Variants in COL28A1 observed in about 807,000 individuals in gnomAD.
The protein encoded by COL28A1 is collagen type XXVIII alpha 1 chain, also known as collagen alpha-1(XXVIII) chain.
COL28A1 carries 161 observed loss-of-function variants against 150.2 expected under a neutral mutation model. The ratio of observed to expected loss-of-function variants is 1.07; its 90% CI spans 0.94 to 1.22. COL28A1 has a LOEUF of 1.22. Among genes scored for constraint, COL28A1 ranks in the 50% most tolerant of loss-of-function variants. The probability of loss-of-function intolerance (pLI) is 0.00; values close to 1 mark genes in which losing one functional copy is unlikely to be tolerated. For synonymous variants in COL28A1, 552 were observed against 469.7 expected, an observed-to-expected ratio of 1.18 and a Z score of -2.26; for missense variants, 1,617 against 1,388.3, an observed-to-expected ratio of 1.16 and a Z score of -2.62.
At chr7:7,476,964 G>A (rs545338154) in intron 14 of COL28A1, 148 bp downstream of exon 14, 7 of 579,354 alleles carry the variant, frequency 1.2e-5, no homozygotes, top group South Asian at 8.1e-5. Context: ...GCATTACAGG[G>A]AAATTTACAT....
chr7:7,421,160 A>G (rs1434821813), intron 25 of COL28A1, among the ~76,000 whole-genome samples: 1 of 152,248 alleles, frequency 6.6e-6, no homozygotes, highest in Non-Finnish European at 1.5e-5. Context: ...CTATGAATAA[A>G]TGCCATAACA....
At chr7:7,505,665 A>G (rs1321274507) in intron 11 of COL28A1, among the ~76,000 whole-genome samples, 3 of 151,544 alleles carry the variant, frequency 2.0e-5, no homozygotes, top group African/African-American at 7.3e-5. Flanking sequence ...ATTACATTTG[A>G]GAAATAGAGT....
Position 7,411,905 on chromosome 7 carries a change from A to T in COL28A1, c.2136+5954T>A, listed in dbSNP as rs544666812. Among the ~76,000 whole-genome samples the T allele has an allele frequency of 4.5e-4, 68 of 152,300 alleles. 2 individuals are homozygous for T. In the South Asian group the frequency reaches 6.6e-3, roughly 15 times the overall value. ...TCAGGAGAATGACGGGGCATTCTGG[A>T]AGTTGCCATGGAGACCACCATACTT... On this transcript the variant is annotated intron_variant, in intron 27 of 34. Coordinates refer to ENST00000399429, the MANE Select transcript of COL28A1 (RefSeq NM_001037763.3).
rs186556130 is a variant in COL28A1 at position 7,466,337 on chromosome 7, C to G, written c.1302+8264G>C. Among the ~76,000 whole-genome samples, 250 of 145,848 alleles carry G rather than the reference C, an allele frequency of 1.7e-3. 14 individuals are homozygous for G. The highest frequency in any genetic ancestry group is 5.9e-3 in the African/African-American group (231 of 39,246). On this transcript the variant is annotated intron_variant, in intron 15 of 34. Transcript: ENST00000399429. ...AAGCCTCAGGAGCCGATGTGATCAA[C>G]TGGAAGAAAGGGTTATCAGCAATGG...
rs1781878446 is a variant in COL28A1, at chr7:7,381,616, C to G, written c.2137-4G>C. 6.2e-7 allele frequency: 1 copy of G among 1,610,738 alleles called. No homozygotes were observed. The highest frequency in any genetic ancestry group is 1.3e-5 in the African/African-American group (1 of 74,848). On this transcript the variant is annotated splice_region_variant and splice_polypyrimidine_tract_variant and intron_variant, in intron 27 of 34. Transcript: ENST00000399429. ...AGCCTTGTGGTCCTTGTTCCCCCTA[C>G]ATAGGATATGAGAAAGAGATGTTCT... is the stretch of plus-strand genomic sequence containing the variant.
At chr7:7,477,895 G>C (rs941030749) in intron 13 of COL28A1, among the ~76,000 whole-genome samples, 3 of 152,172 alleles carry the variant, frequency 2.0e-5, no homozygotes, top group African/African-American at 7.2e-5. Context: ...GTTTTGCAGA[G>C]AGCTGATTGG....
intron 6 of COL28A1, 65 bp from the exon 7 acceptor site, chr7:7,517,902 T>C: frequency 6.2e-7 from 1 of 1,600,936 alleles, no homozygotes. Flanking sequence ...CTCAATAAAA[T>C]GCATTATACA....
rs141901747 is a variant in COL28A1 at position 7,457,888 on chromosome 7, C to T, written c.1303-1776G>A. ...CATTTTAATGGCAGTTGTATTTAGA[C>T]TACATTAGGGCCGCAAAACTTTTAA... On this transcript the variant is annotated intron_variant, in intron 15 of 34. Coordinates refer to ENST00000399429, the MANE Select transcript of COL28A1 (RefSeq NM_001037763.3). 4.6e-3 allele frequency among the ~76,000 whole-genome samples: 707 copies of T among 152,250 alleles called. 5 individuals carry two copies. Among genetic ancestry groups the T allele is most frequent in the East Asian group, 0.022 (114 of 5,174 alleles).
intron 27 of COL28A1, among the ~76,000 whole-genome samples, chr7:7,390,355 G>A (rs1361371893): frequency 1.3e-5 from 2 of 152,158 alleles, no homozygotes; most frequent in Non-Finnish European, 2.9e-5. Flanking sequence ...CTTGATCGTG[G>A]TGGTTAAGCT....
At chr7:7,451,502 G>A in intron 18 of COL28A1, among the ~76,000 whole-genome samples, 1 of 152,174 alleles carries the variant, frequency 6.6e-6, no homozygotes, top group East Asian at 1.9e-4. Context: ...GGGATTACAG[G>A]TGTGAGCCAC....
Position 7,465,575 on chromosome 7 carries a change from G to C in COL28A1, c.1302+9026C>G, listed in dbSNP as rs533711732. Among the ~76,000 whole-genome samples the C allele has an allele frequency of 1.5e-3, 212 of 137,766 alleles. 5 individuals are homozygous for C. The highest frequency in any genetic ancestry group is 2.5e-3 in the Non-Finnish European group (159 of 63,192). The allele number at this position is 137,766 out of a possible 152,430, so 90.4% of individuals were successfully genotyped here. A position where few individuals can be genotyped will look rare whatever the true frequency, so the allele number is the denominator to read the frequency against. On this transcript the variant is annotated intron_variant, in intron 15 of 34. Transcript: ENST00000399429. ...GCTTGCTTAGGTAAACAAAGCAGCC[G>C]AGAAGCTCGAACTGGGTGGAGCCCA...
the COL28A1 span, among the ~76,000 whole-genome samples, chr7:7,541,820 CT>C: frequency 6.6e-6 from 1 of 152,054 alleles, no homozygotes; most frequent in African/African-American, 2.4e-5. Flanking sequence ...AACTCATTCA[CT>C]TAACTAACAT....
At chr7:7,422,436 C>G (rs1262349325) in intron 25 of COL28A1, among the ~76,000 whole-genome samples, 1 of 152,064 alleles carries the variant, frequency 6.6e-6, no homozygotes, top group Non-Finnish European at 1.5e-5. Context: ...TGAGATCAGC[C>G]TGGCCAATGT....
At chr7:7,526,589 A>C (rs879357583) in intron 3 of COL28A1, among the ~76,000 whole-genome samples, 36 of 152,160 alleles carry the variant, frequency 2.4e-4, no homozygotes, top group Non-Finnish European at 7.4e-5. Context: ...ATAAAGAAAA[A>C]TTTAAATATT....
chr7:7,424,465 T>C (rs76037985), intron 25 of COL28A1, among the ~76,000 whole-genome samples: 2,385 of 152,234 alleles, frequency 0.016, 54 homozygotes, highest in African/African-American at 0.054. Context: ...CTGTGATATT[T>C]TCAGATACAC....
chr7:7,372,773 G>C (rs1418824278), intron 32 of COL28A1, among the ~76,000 whole-genome samples: 1 of 152,074 alleles, frequency 6.6e-6, no homozygotes, highest in Non-Finnish European at 1.5e-5. Flanking sequence ...TAACTCCAAG[G>C]CCAACTCAGC....
rs767856902 is a variant in COL28A1 at position 7,531,845 on chromosome 7, C to T, written c.184G>A (p.Ala62Thr). The T allele has an allele frequency of 4.4e-6, 7 of 1,608,392 alleles. No homozygotes were observed. The highest frequency in any genetic ancestry group is 1.7e-5 in the Admixed American group (1 of 59,998). The change falls in exon 3 of 35, where the codon GCC becomes ACC. Residue 62 changes from alanine to threonine, a missense_variant. Physicochemically the swap from Ala to Thr is moderately conservative, Grantham distance 58 (BLOSUM62 0). Coordinates refer to ENST00000399429, the MANE Select transcript of COL28A1 (RefSeq NM_001037763.3). The stretch of plus-strand genomic sequence containing the variant: ...AAATCTTTCTGTTTATCAAAGAGGG[C>T]AATTTTAGAACTTTCAGAGCTGTCC... ...IVDSSESSKI[A>T]LFDKQKDFVD...
At chr7:7,424,608 G>A (rs1360486821) in intron 25 of COL28A1, among the ~76,000 whole-genome samples, 2 of 152,156 alleles carry the variant, frequency 1.3e-5, no homozygotes, top group Non-Finnish European at 2.9e-5. Flanking sequence ...TGTATTAGGA[G>A]ATAATGAACA....
intron 25 of COL28A1, among the ~76,000 whole-genome samples, chr7:7,430,270 G>A (rs1784888248): frequency 6.6e-6 from 1 of 152,138 alleles, no homozygotes; most frequent in African/African-American, 2.4e-5. Flanking sequence ...GGGATTATAG[G>A]CGCCCACCAC....
Sources: allele counts gnomAD v4.1 joint callset (sites outside exome capture counted in the v4.1 genomes callset), GRCh38; gene constraint gnomAD v4.1.1; transcripts MANE v1.5; gene names NCBI Gene and HGNC (gene_info 2026-07-23, HGNC 2026-07-21).